The following SORCS2 variants were observed in gnomAD, a reference collection of about 807,000 sequenced individuals.
SORCS2 encodes the protein sortilin related VPS10 domain containing receptor 2.
Under a neutral mutation model 141.6 loss-of-function variants are expected in SORCS2, and 100 were observed. The observed-to-expected ratio is 0.71, with a 90% confidence interval of 0.60 to 0.83. The LOEUF (loss-of-function observed/expected upper bound fraction) is 0.83, where lower values mean the gene tolerates loss of function less well. SORCS2 is among the 40% of genes least tolerant of loss of function. The probability of loss-of-function intolerance (pLI) is 0.00; values close to 1 mark genes in which losing one functional copy is unlikely to be tolerated. For missense variants in SORCS2, 1,646 were observed against 1,560.2 expected, an observed-to-expected ratio of 1.05 and a Z score of -0.93; for synonymous variants, 789 against 676.9, an observed-to-expected ratio of 1.17 and a Z score of -2.57.
intron 17 of SORCS2, among the ~76,000 whole-genome samples, chr4:7,717,545 G>A (rs944071307): frequency 6.6e-6 from 1 of 152,192 alleles, no homozygotes; most frequent in East Asian, 1.9e-4. Flanking sequence ...ACAGGGAGAC[G>A]GAGCCCAGGA....
intron 3 of SORCS2, among the ~76,000 whole-genome samples, chr4:7,565,800 A>T (rs944565050): frequency 4.0e-5 from 6 of 149,602 alleles, no homozygotes; most frequent in African/African-American, 1.5e-4. Flanking sequence ...TATGATGATG[A>T]TGGTGATGAT....
At chr4:7,644,857 C>A (rs1157472441) in intron 4 of SORCS2, among the ~76,000 whole-genome samples, 1 of 152,238 alleles carries the variant, frequency 6.6e-6, no homozygotes, top group Non-Finnish European at 1.5e-5. Flanking sequence ...ACAGGATGCA[C>A]CCATGCAGGT....
intron 3 of SORCS2, among the ~76,000 whole-genome samples, chr4:7,593,979 C>T (rs1400864453): frequency 6.6e-6 from 1 of 152,194 alleles, no homozygotes; most frequent in African/African-American, 2.4e-5. Flanking sequence ...TGACACCCTC[C>T]ACTGGGAGGC....
intron 2 of SORCS2, among the ~76,000 whole-genome samples, chr4:7,447,616 C>T (rs180697443): frequency 1.2e-3 from 186 of 152,278 alleles, no homozygotes; most frequent in African/African-American, 4.3e-3. Flanking sequence ...ACAAATAAGT[C>T]CATCCATGCA....
intron 1 of SORCS2, among the ~76,000 whole-genome samples, chr4:7,307,207 T>G (rs1426865425): frequency 6.6e-6 from 1 of 152,162 alleles, no homozygotes; most frequent in Admixed American, 6.5e-5. Flanking sequence ...CCAGGCGACG[T>G]TCAGAGCCAG....
intron 25 of SORCS2, 22 bp downstream of exon 25, chr4:7,734,396 C>T (rs779046035): frequency 4.0e-5 from 58 of 1,457,992 alleles, no homozygotes; most frequent in Non-Finnish European, 4.8e-5. Context: ...GGCTGCCCTC[C>T]TCTGCGGGGC....
At chr4:7,634,544 T>C (rs926543053) in intron 3 of SORCS2, among the ~76,000 whole-genome samples, 1 of 152,180 alleles carries the variant, frequency 6.6e-6, no homozygotes, top group Non-Finnish European at 1.5e-5. Context: ...TATTAGCTCA[T>C]AGTGATATAA....
At position 7,353,584 on chromosome 4, in the gene SORCS2, A is replaced by T. The variant is rs552762738; in HGVS notation, c.481-42704A>T. 2.2e-4 allele frequency among the ~76,000 whole-genome samples: 34 copies of T among 152,270 alleles called. No homozygotes were observed. In the South Asian group the frequency reaches 7.0e-3, roughly 32 times the overall value. On this transcript the variant is annotated intron_variant, in intron 1 of 26. Transcript: ENST00000507866. The stretch of plus-strand genomic sequence containing the variant: ...GACTCTGGAGCAGAAGATGGGTGTG[A>T]GTGTGTACCTCCAATCTGTTCCCTG...
intron 1 of SORCS2, among the ~76,000 whole-genome samples, chr4:7,315,891 C>T (rs1467926022): frequency 6.6e-6 from 1 of 152,158 alleles, no homozygotes; most frequent in African/African-American, 2.4e-5. Flanking sequence ...TACACATCAC[C>T]CAACCTACCA....
At chr4:7,490,511 C>T (rs1414737180) in intron 2 of SORCS2, among the ~76,000 whole-genome samples, 4 of 111,188 alleles carry the variant, frequency 3.6e-5, no homozygotes, top group Admixed American at 3.4e-4. Flanking sequence ...AGAATTGCCA[C>T]TGCCAGGGAG....
chr4:7,221,643 C>T (rs546970845), intron 1 of SORCS2, among the ~76,000 whole-genome samples: 2 of 152,312 alleles, frequency 1.3e-5, no homozygotes, highest in South Asian at 2.1e-4. Flanking sequence ...GGAGAAACAG[C>T]GAAGGAAAGA....
At chr4:7,359,842 G>A (rs1721475056) in intron 1 of SORCS2, among the ~76,000 whole-genome samples, 1 of 152,174 alleles carries the variant, frequency 6.6e-6, no homozygotes, top group Non-Finnish European at 1.5e-5. Flanking sequence ...ATCTCAAGAG[G>A]GTGATCTCAA....
rs58651668 is a variant in SORCS2 at position 7,619,081 on chromosome 4, A to G, written c.649-19247A>G. Among the ~76,000 whole-genome samples, 439 of 152,292 alleles carry G rather than the reference A, an allele frequency of 2.9e-3. 1 individual carries two copies. The highest frequency in any genetic ancestry group is 0.01 in the African/African-American group (422 of 41,578). ...TGCACCCAGGTCCTGCGCCTGTGCT[A>G]CGTGTCTCTGGGCAAGTTGGTGAGC... On this transcript the variant is annotated intron_variant, in intron 3 of 26. Coordinates refer to ENST00000507866, the MANE Select transcript of SORCS2 (RefSeq NM_020777.3).
At chr4:7,433,479 C>T in intron 2 of SORCS2, 1 of 1,581,930 alleles carries the variant, frequency 6.3e-7, no homozygotes, top group Non-Finnish European at 8.6e-7. Flanking sequence ...CGTGGCAGGC[C>T]CCCACCTTCT....
intron 14 of SORCS2, among the ~76,000 whole-genome samples, chr4:7,706,843 C>T (rs1157226723): frequency 6.6e-6 from 1 of 151,720 alleles, no homozygotes; most frequent in Non-Finnish European, 1.5e-5. Flanking sequence ...CTGGACTCTG[C>T]AGGGCTAGAG....
At chr4:7,519,392 T>A (rs1014060559) in intron 2 of SORCS2, among the ~76,000 whole-genome samples, 15 of 152,194 alleles carry the variant, frequency 9.9e-5, no homozygotes, top group Admixed American at 6.5e-5. Flanking sequence ...AGCAGATGCA[T>A]AGTTTGGAAC....
intron 1 of SORCS2, among the ~76,000 whole-genome samples, chr4:7,277,071 C>T (rs928801850): frequency 2.1e-5 from 3 of 143,164 alleles, no homozygotes; most frequent in African/African-American, 7.8e-5. Flanking sequence ...AAAGCTCCTT[C>T]AGGAGGCTCT....
At chr4:7,733,263 C>T (rs1056067074) in intron 23 of SORCS2, 59 bp from the exon 24 acceptor site, 168 of 1,325,988 alleles carry the variant, frequency 1.3e-4, no homozygotes, top group Non-Finnish European at 1.6e-4. Context: ...CATCCCCCTT[C>T]CCTTTTGGCA....
chr4:7,730,807 G>A (rs557194076), intron 23 of SORCS2, among the ~76,000 whole-genome samples: 47 of 152,312 alleles, frequency 3.1e-4, no homozygotes, highest in Non-Finnish European at 4.7e-4. Flanking sequence ...GAATTAGATA[G>A]TGGTAATGCT....
Sources: gnomAD v4.1 joint callset for allele counts (sites outside exome capture counted in the v4.1 genomes callset) on GRCh38, gnomAD v4.1.1 for gene constraint, MANE v1.5 for transcripts, NCBI Gene and HGNC (gene_info 2026-07-23, HGNC 2026-07-21) for gene names.